Variants in AP2B1 observed in about 807,000 individuals in gnomAD.
AP2B1 encodes AP-2 complex subunit beta.
Under a neutral mutation model 102.0 loss-of-function variants are expected in AP2B1, and 23 were observed. That is an observed-to-expected ratio of 0.23 (90% CI 0.16 to 0.32). The LOEUF (loss-of-function observed/expected upper bound fraction) is 0.32, where lower values mean the gene tolerates loss of function less well. AP2B1 is among the 10% of genes least tolerant of loss of function. The probability of loss-of-function intolerance (pLI) is 1.00; values close to 1 mark genes in which losing one functional copy is unlikely to be tolerated. For missense variants in AP2B1, 541 were observed against 1,157.4 expected (o/e 0.47, Z 7.73); for synonymous variants, 381 against 421.2 (o/e 0.90, Z 1.17).
chr17:35,682,722 G>A lies in AP2B1; in HGVS notation c.2352G>A (p.Leu784=), dbSNP rs1373953185. 2.8e-5 allele frequency: 45 copies of A among 1,612,126 alleles called. No individual in the cohort carries two copies. The highest frequency in any genetic ancestry group is 3.8e-5 in the Non-Finnish European group (45 of 1,178,774). The change falls in exon 18 of 22, where the codon CTG becomes CTA. Residue 784 remains leucine, a synonymous_variant. Coordinates refer to ENST00000610402, the MANE Select transcript of AP2B1 (RefSeq NM_001030006.2). The stretch of plus-strand genomic sequence containing the variant: ...TTGGTGTCATCCCCAGCACTCCTCT[G>A]GCCATCCATACACCACTGATGCCAA... ...NSFGVIPSTP[L]AIHTPLMPNQ...
intron 12 of AP2B1, among the ~76,000 whole-genome samples, chr17:35,644,562 T>C (rs1329201866): frequency 1.1e-4 from 16 of 151,174 alleles, no homozygotes; most frequent in African/African-American, 9.7e-5. Context: ...TTTTTTTTTT[T>C]CCAGTAGAGA....
intron 12 of AP2B1, among the ~76,000 whole-genome samples, chr17:35,643,822 T>C (rs1397463020): frequency 6.6e-6 from 1 of 152,246 alleles, no homozygotes; most frequent in Non-Finnish European, 1.5e-5. Context: ...CTTACTTCAT[T>C]ATGTTTTCTT....
At chr17:35,601,543 ACAGGCATGAG>A (rs1253224742) in intron 3 of AP2B1, among the ~76,000 whole-genome samples, 1 of 152,196 alleles carries the variant, frequency 6.6e-6, no homozygotes, top group Non-Finnish European at 1.5e-5. Context: ...TGTTGGGATT[ACAGGCATGAG>A]CCACCATGCC....
chr17:35,621,630 G>A (rs1266320167), intron 5 of AP2B1, among the ~76,000 whole-genome samples: 1 of 152,134 alleles, frequency 6.6e-6, no homozygotes, highest in African/African-American at 2.4e-5. Flanking sequence ...TTCATTTCTT[G>A]TTTTAATGTC....
At chr17:35,609,702 T>C (rs755316439) in intron 5 of AP2B1, among the ~76,000 whole-genome samples, 6 of 152,130 alleles carry the variant, frequency 3.9e-5, no homozygotes, top group Non-Finnish European at 8.8e-5. Context: ...CATGAATTCC[T>C]GGCCTCAAGC....
intron 17 of AP2B1, among the ~76,000 whole-genome samples, chr17:35,680,151 A>C (rs1216294331): frequency 6.6e-6 from 1 of 151,924 alleles, no homozygotes; most frequent in African/African-American, 2.4e-5. Context: ...CAGGTGATCC[A>C]CCAGCCTCGG....
chr17:35,705,551 T>G (rs2076324162), intron 18 of AP2B1, among the ~76,000 whole-genome samples: 1 of 152,128 alleles, frequency 6.6e-6, no homozygotes, highest in Admixed American at 6.5e-5. Context: ...AGATGGAGCC[T>G]TGCTCTGTTG....
At chr17:35,713,373 A>G (rs1490098744) in intron 20 of AP2B1, among the ~76,000 whole-genome samples, 1 of 152,214 alleles carries the variant, frequency 6.6e-6, no homozygotes, top group Non-Finnish European at 1.5e-5. Flanking sequence ...AATCACTGCT[A>G]GTCTTGCAAG....
chr17:35,677,639 A>C (rs916381776), intron 17 of AP2B1, among the ~76,000 whole-genome samples: 36 of 152,016 alleles, frequency 2.4e-4, no homozygotes, highest in Non-Finnish European at 8.8e-5. Context: ...AGTTTCTACA[A>C]AAAAAATGCT....
intron 19 of AP2B1, among the ~76,000 whole-genome samples, chr17:35,709,888 T>C (rs2076413342): frequency 6.6e-6 from 1 of 152,204 alleles, no homozygotes; most frequent in South Asian, 2.1e-4. Context: ...TGGCACTTAA[T>C]TGATTTGATT....
In AP2B1 at chr17:35,608,126, T is replaced by C. The variant is rs1390549379; in HGVS notation, c.280-16T>C. On this transcript the variant is annotated splice_polypyrimidine_tract_variant and intron_variant, in intron 4 of 21. Transcript: ENST00000610402. ...CACCATGTATACCTACAGTTGTTGG[T>C]GATTGTTTTCTGCAGGACTGTGAAG... 3 of 1,612,038 alleles carry C rather than the reference T, an allele frequency of 1.9e-6. No individual in the cohort carries two copies. Among genetic ancestry groups the C allele is most frequent in the Non-Finnish European group, 2.5e-6 (3 of 1,179,624 alleles).
At chr17:35,656,628 G>A (rs149416972) in intron 13 of AP2B1, among the ~76,000 whole-genome samples, 13 of 152,194 alleles carry the variant, frequency 8.5e-5, no homozygotes, top group Admixed American at 4.6e-4. Flanking sequence ...GGGTGCGGTG[G>A]CTCACGCCTG....
chr17:35,629,705 GTA>G (rs1197028281), intron 9 of AP2B1, among the ~76,000 whole-genome samples: 1 of 152,176 alleles, frequency 6.6e-6, no homozygotes, highest in Non-Finnish European at 1.5e-5. Context: ...TAGGACTTCT[GTA>G]TACATAGGCA....
intron 14 of AP2B1, among the ~76,000 whole-genome samples, chr17:35,661,928 C>T (rs2075366556): frequency 2.0e-5 from 3 of 152,156 alleles, no homozygotes; most frequent in Admixed American, 6.5e-5. Flanking sequence ...ACAGTATTTA[C>T]TTTTGCTCCA....
At chr17:35,622,945 G>A (rs911108653) in intron 5 of AP2B1, among the ~76,000 whole-genome samples, 1 of 152,064 alleles carries the variant, frequency 6.6e-6, no homozygotes, top group African/African-American at 2.4e-5. Flanking sequence ...GTTTACAGGC[G>A]TGAGCCACCA....
At chr17:35,636,305 C>G in intron 9 of AP2B1, 36 bp from the exon 10 acceptor site, 2 of 1,484,042 alleles carry the variant, frequency 1.3e-6, no homozygotes, top group Non-Finnish European at 1.9e-6. Context: ...TCGCATAGAT[C>G]ATCTGACTTC....
At chr17:35,623,635 C>T (rs2074242865) in intron 5 of AP2B1, among the ~76,000 whole-genome samples, 1 of 152,030 alleles carries the variant, frequency 6.6e-6, no homozygotes, top group Admixed American at 6.6e-5. Context: ...AAAATGCTTC[C>T]TATTGAACTG....
intron 21 of AP2B1, among the ~76,000 whole-genome samples, chr17:35,721,100 C>G (rs782316723): frequency 1.8e-4 from 27 of 151,726 alleles, no homozygotes; most frequent in Admixed American, 5.3e-4. Flanking sequence ...CTGATGGTCC[C>G]TTAGTCTCCT....
At chr17:35,607,987 A>G (rs1468315366) in intron 4 of AP2B1, 155 bp from the exon 5 acceptor site, 1 of 867,188 alleles carries the variant, frequency 1.2e-6, no homozygotes, top group Non-Finnish European at 1.7e-6. Flanking sequence ...TAAGATTTGT[A>G]CTTAGGAAAG....
Sources: allele counts gnomAD v4.1 joint callset (sites outside exome capture counted in the v4.1 genomes callset), GRCh38; gene constraint gnomAD v4.1.1; transcripts MANE v1.5; gene names NCBI Gene and HGNC (gene_info 2026-07-23, HGNC 2026-07-21).